The following CADPS2 variants were observed in gnomAD, a reference collection of about 807,000 sequenced individuals.
The protein encoded by CADPS2 is calcium-dependent secretion activator 2.
In CADPS2, 93 loss-of-function variants were observed where a neutral mutation model predicts 172.5. The observed-to-expected ratio is 0.54, with a 90% confidence interval of 0.46 to 0.64. The LOEUF (loss-of-function observed/expected upper bound fraction) is 0.64. Among genes scored for constraint, CADPS2 ranks in the 30% least tolerant of loss-of-function variants. The probability of loss-of-function intolerance (pLI) is 0.00; values close to 1 mark genes in which losing one functional copy is unlikely to be tolerated. For missense variants in CADPS2, 1,420 were observed against 1,565.9 expected, an observed-to-expected ratio of 0.91 and a Z score of 1.57; for synonymous variants, 546 against 555.2, an observed-to-expected ratio of 0.98 and a Z score of 0.23.
intron 6 of CADPS2, among the ~76,000 whole-genome samples, chr7:122,614,520 C>A (rs939345111): frequency 6.6e-6 from 1 of 152,092 alleles, no homozygotes. Flanking sequence ...AGGTAATGCA[C>A]AAATGAAGGC....
chr7:122,622,235 T>C (rs2075676006), intron 4 of CADPS2, among the ~76,000 whole-genome samples: 1 of 152,228 alleles, frequency 6.6e-6, no homozygotes, highest in Non-Finnish European at 1.5e-5. Flanking sequence ...TGAAGAGTGA[T>C]ATGGTCATAT....
At chr7:122,369,155 T>TTAGACG (rs1554469782) in intron 25 of CADPS2, among the ~76,000 whole-genome samples, 1 of 99,460 alleles carries the variant, frequency 1.0e-5, no homozygotes, top group Non-Finnish European at 1.9e-5. Context: ...TTTTTTTTTT[T>TTAGACG]GAGTCTCGCT....
At chr7:122,621,249 T>C (rs965804551) in intron 5 of CADPS2, among the ~76,000 whole-genome samples, 2 of 152,180 alleles carry the variant, frequency 1.3e-5, no homozygotes, top group Non-Finnish European at 2.9e-5. Context: ...AAAGAAGACT[T>C]GCCTTAAAAC....
intron 2 of CADPS2, among the ~76,000 whole-genome samples, chr7:122,726,459 A>G (rs907606010): frequency 6.6e-6 from 1 of 151,984 alleles, no homozygotes; most frequent in African/African-American, 2.4e-5. Flanking sequence ...GTCAAGGTGA[A>G]GCCAGCCCCC....
intron 25 of CADPS2, among the ~76,000 whole-genome samples, chr7:122,373,300 G>T (rs1314043463): frequency 2.4e-4 from 36 of 151,926 alleles, no homozygotes; most frequent in Non-Finnish European, 7.4e-5. Context: ...CATGGTGGCT[G>T]GTTAAACATG....
At chr7:122,850,686 G>GCTT (rs933611488) in intron 1 of CADPS2, among the ~76,000 whole-genome samples, 1 of 152,182 alleles carries the variant, frequency 6.6e-6, no homozygotes, top group Non-Finnish European at 1.5e-5. Flanking sequence ...CCATCCTCCA[G>GCTT]CTTCTAGTAC....
chr7:122,746,522 T>A (rs555449612), intron 1 of CADPS2, among the ~76,000 whole-genome samples: 2 of 152,180 alleles, frequency 1.3e-5, no homozygotes, highest in East Asian at 3.9e-4. Context: ...ATCACAGGGG[T>A]GTCCAATCTT....
intron 25 of CADPS2, among the ~76,000 whole-genome samples, chr7:122,367,793 A>G (rs930236427): frequency 6.7e-6 from 1 of 149,494 alleles, no homozygotes; most frequent in Non-Finnish European, 1.5e-5. Flanking sequence ...GAAGCCTAAC[A>G]AAGGCTTCAC....
chr7:122,650,453 T>C (rs896036947), intron 3 of CADPS2, among the ~76,000 whole-genome samples: 5 of 152,146 alleles, frequency 3.3e-5, no homozygotes, highest in African/African-American at 1.2e-4. Flanking sequence ...TTTGTAAAGC[T>C]GTGTTCTCTT....
intron 2 of CADPS2, among the ~76,000 whole-genome samples, chr7:122,725,897 G>A (rs1309456940): frequency 1.3e-5 from 2 of 151,382 alleles, no homozygotes; most frequent in Admixed American, 6.6e-5. Flanking sequence ...CAGGACGCCT[G>A]GATGACACCT....
At chr7:122,616,264 A>C (rs2074906196) in intron 5 of CADPS2, among the ~76,000 whole-genome samples, 1 of 152,094 alleles carries the variant, frequency 6.6e-6, no homozygotes. Flanking sequence ...AACAATAATA[A>C]AACTCATGTT....
At chr7:122,574,040 T>C (rs970974310) in intron 7 of CADPS2, among the ~76,000 whole-genome samples, 5 of 152,124 alleles carry the variant, frequency 3.3e-5, no homozygotes, top group African/African-American at 4.8e-5. Context: ...ATCTTTACTA[T>C]GTAAGTTTGT....
intron 2 of CADPS2, among the ~76,000 whole-genome samples, chr7:122,719,069 T>C (rs76033349): frequency 4.3e-4 from 66 of 152,218 alleles, no homozygotes; most frequent in Non-Finnish European, 9.3e-4. Flanking sequence ...CTCTACGTTA[T>C]ATAAACACAG....
At chr7:122,568,479 C>A (rs1467167434) in intron 7 of CADPS2, among the ~76,000 whole-genome samples, 1 of 151,798 alleles carries the variant, frequency 6.6e-6, no homozygotes. Context: ...ATTTCAATAC[C>A]TAATAGCTAT....
rs557225830 is a variant in CADPS2 at position 122,380,351 on chromosome 7, G to T, written c.3313-909C>A. Among the ~76,000 whole-genome samples, 27 of 152,184 alleles carry T rather than the reference G, an allele frequency of 1.8e-4. No homozygotes were observed. In the East Asian group the frequency reaches 4.8e-3, roughly 27 times the overall value. On this transcript the variant is annotated intron_variant, in intron 24 of 29. Coordinates refer to ENST00000449022, the MANE Select transcript of CADPS2 (RefSeq NM_017954.11). ...ACTAACCCTATCTTGATGGTTCAAG[G>T]CTTCTTGGAACAGCTAACAAAATGC...
intron 8 of CADPS2, among the ~76,000 whole-genome samples, chr7:122,524,143 C>T (rs2061024296): frequency 6.6e-6 from 1 of 152,114 alleles, no homozygotes; most frequent in Admixed American, 6.6e-5. Context: ...TAGCAAGAAA[C>T]AAAAGGTTTA....
chr7:122,839,841 A>G (rs1215652517), intron 1 of CADPS2, among the ~76,000 whole-genome samples: 1 of 152,180 alleles, frequency 6.6e-6, no homozygotes, highest in Non-Finnish European at 1.5e-5. Flanking sequence ...GGGACTGTAA[A>G]CTGGTTCAAC....
intron 3 of CADPS2, among the ~76,000 whole-genome samples, chr7:122,654,556 A>C (rs1427724454): frequency 1.3e-5 from 2 of 152,218 alleles, no homozygotes; most frequent in African/African-American, 4.8e-5. Flanking sequence ...CCTGGATGAC[A>C]GCACATATGT....
chr7:122,744,802 G>C (rs1364143336), intron 1 of CADPS2, among the ~76,000 whole-genome samples: 2 of 152,074 alleles, frequency 1.3e-5, no homozygotes, highest in African/African-American at 4.8e-5. Context: ...CATTCTCATT[G>C]ATCTCCCAGT....
Sources: allele counts gnomAD v4.1 joint callset (sites outside exome capture counted in the v4.1 genomes callset), GRCh38; gene constraint gnomAD v4.1.1; transcripts MANE v1.5; gene names NCBI Gene and HGNC (gene_info 2026-07-23, HGNC 2026-07-21).